The following MMAB variants were observed in gnomAD, a reference collection of about 807,000 sequenced individuals.
The protein encoded by MMAB is corrinoid adenosyltransferase MMAB.
Under a neutral mutation model 30.6 loss-of-function variants are expected in MMAB, and 17 were observed. The ratio of observed to expected loss-of-function variants is 0.56; its 90% CI spans 0.38 to 0.83. The LOEUF is 0.83. Ranked by LOEUF, MMAB falls within the 40% of genes least tolerant of loss-of-function variation. The pLI, the probability that MMAB is intolerant of heterozygous loss-of-function variation, is 0.00. For missense variants in MMAB, 311 were observed against 331.6 expected (o/e 0.94, Z 0.48); for synonymous variants, 134 against 138.6 (o/e 0.97, Z 0.23).
rs1466039282 is a variant in MMAB, at chr12:109,561,822, C to T, written c.379G>A (p.Ala127Thr). The change falls in exon 5 of 9, where the codon GCC becomes ACC. Residue 127 changes from alanine (A) to threonine (T), a missense_variant. Ala to Thr is a moderately conservative substitution (Grantham distance 58). Transcript: ENST00000545712. The surrounding 1 kb of genome is among the most constrained non-coding windows in gnomAD (Gnocchi z 5.3). ...IQCTLQDVGS[A>T]LATPCSSARE... ...GCCGAGGAGCATGGTGTCGCCAGGG[C>T]CGAGCCGACGTCCTGCAATGTGCAC... 4.4e-6 allele frequency: 7 copies of T among 1,609,006 alleles called. No individual in the cohort carries two copies. The highest frequency in any genetic ancestry group is 5.9e-6 in the Non-Finnish European group (7 of 1,177,648).
In MMAB at chr12:109,573,293, C is replaced by T. The variant is rs115069962; in HGVS notation, c.134+54G>A. The T allele has an allele frequency of 2.4e-4, 382 of 1,610,108 alleles. No individual in the cohort carries two copies. The African/African-American group carries it at 4.1e-3, about 17-fold the overall frequency. Reference sequence around the variant, plus strand: ...CGGCGGTGTGACGTACCCATGGCGACGACACCACGATTCACGGCAGGTGTT... The same window carrying T: ...CGGCGGTGTGACGTACCCATGGCGATGACACCACGATTCACGGCAGGTGTT... On this transcript the variant is annotated intron_variant, in intron 1 of 8. Coordinates refer to ENST00000545712, the MANE Select transcript of MMAB (RefSeq NM_052845.4).
chr12:109,556,625 G>A lies in MMAB; in HGVS notation c.*403C>T, dbSNP rs1883979395. The A allele has an allele frequency of 8.9e-6, 4 of 449,844 alleles. No individual in the cohort carries two copies. The highest frequency in any genetic ancestry group is 4.7e-5 in the South Asian group (3 of 64,410). 27.9% of individuals were successfully genotyped at this position (449,844 alleles called of 1,614,324 possible). A position where few individuals can be genotyped will look rare whatever the true frequency, so the allele number is the denominator to read the frequency against. On this transcript the variant is annotated 3_prime_UTR_variant, in exon 9 of 9. Coordinates refer to ENST00000545712, the MANE Select transcript of MMAB (RefSeq NM_052845.4). ...CATTCCAAATCTGTGAACAACCTGA[G>A]CTGGCAGTGGGAGGGCTCTCTCTCA... is the stretch of plus-strand genomic sequence containing the variant.
Position 109,556,648 on chromosome 12 carries a change from T to TCTCACACA in MMAB, c.*379_*380insTGTGTGAG, listed in dbSNP as rs1555273916. The TCTCACACA allele has an allele frequency of 6.1e-6, 2 of 328,308 alleles. No homozygotes were observed. The highest frequency in any genetic ancestry group is 8.2e-5 in the East Asian group (1 of 12,174). 20.3% of individuals were successfully genotyped at this position (328,308 alleles called of 1,614,324 possible). On this transcript the variant is annotated 3_prime_UTR_variant, in exon 9 of 9. Transcript: ENST00000545712. Reference sequence around the variant, plus strand: ...GAGCTGGCAGTGGGAGGGCTCTCTCTCACACACACACACACACACACACAC... The same window carrying TCTCACACA: ...GAGCTGGCAGTGGGAGGGCTCTCTCTCTCACACACACACACACACACACACACACACAC...
Position 109,554,325 on chromosome 12 carries a change from C to T in MMAB, c.*2703G>A. Reference sequence around the variant, plus strand: ...ACTGTGACTGTGGGCTTCTCTCTGACACAAGAGCCAACTGCCAGCTTGTCT... The same window carrying T: ...ACTGTGACTGTGGGCTTCTCTCTGATACAAGAGCCAACTGCCAGCTTGTCT... On this transcript the variant is annotated 3_prime_UTR_variant, in exon 9 of 9. Transcript: ENST00000545712. The T allele has an allele frequency of 2.2e-6, 1 of 454,070 alleles. No homozygotes were observed. The highest frequency in any genetic ancestry group is 4.4e-6 in the Non-Finnish European group (1 of 226,796). 28.1% of individuals were successfully genotyped at this position (454,070 alleles called of 1,614,324 possible). A position where few individuals can be genotyped will look rare whatever the true frequency, so the allele number is the denominator to read the frequency against.
rs765600361 is a variant in MMAB at position 109,553,903 on chromosome 12, G to C, written c.*3125C>G. 1 of 454,090 alleles carries C rather than the reference G, an allele frequency of 2.2e-6. No homozygotes were observed. The highest frequency in any genetic ancestry group is 1.6e-5 in the South Asian group (1 of 64,474). The allele number at this position is 454,090 out of a possible 1,614,324, so 28.1% of individuals were successfully genotyped here. A position where few individuals can be genotyped will look rare whatever the true frequency, so the allele number is the denominator to read the frequency against. On this transcript the variant is annotated 3_prime_UTR_variant, in exon 9 of 9. Coordinates refer to ENST00000545712, the MANE Select transcript of MMAB (RefSeq NM_052845.4). ...GCCACTGACGGGGGCTTCCGAACTG[G>C]GGACGTTTGTCATTGGGATGTGTTA...
rs532356504 is a variant in MMAB, at chr12:109,563,868, G to A, written c.348+1251C>T. Among the ~76,000 whole-genome samples, 11 of 152,330 alleles carry A rather than the reference G, an allele frequency of 7.2e-5. No homozygotes were observed. In the East Asian group the frequency reaches 7.7e-4, roughly 11 times the overall value. Reference sequence around the variant, plus strand: ...GGGAAGGGCTGACCCTGCGGGGAGCGGTTTCTGGGGACCTGGGTCCATGTG... The same window carrying A: ...GGGAAGGGCTGACCCTGCGGGGAGCAGTTTCTGGGGACCTGGGTCCATGTG... On this transcript the variant is annotated intron_variant, in intron 4 of 8. Coordinates refer to ENST00000545712, the MANE Select transcript of MMAB (RefSeq NM_052845.4).
chr12:109,566,766 A>G (rs1884442601), intron 3 of MMAB, among the ~76,000 whole-genome samples: 2 of 152,244 alleles, frequency 1.3e-5, no homozygotes, highest in African/African-American at 4.8e-5. Flanking sequence ...ATATCTGACC[A>G]AGGAAGAATC....
rs562567264 is a variant in MMAB, at chr12:109,561,589, G to A, written c.422-72C>T. ...CCAGACCATGGCGGGAACCACCCCC[G>A]CCGCCCTTCCACCTGGGTGTCCCGC... is the stretch of plus-strand genomic sequence containing the variant. On this transcript the variant is annotated intron_variant, in intron 5 of 8. Transcript: ENST00000545712. This position sits in a 1 kb window ranked among gnomAD's most constrained non-coding sequence, Gnocchi z 5.3. 2.0e-4 allele frequency: 278 copies of A among 1,378,726 alleles called. 2 individuals are homozygous for A. The South Asian group carries it at 2.7e-3, about 13-fold the overall frequency. 85.4% of individuals were successfully genotyped at this position (1,378,726 alleles called of 1,614,324 possible).
intron 1 of MMAB, 57 bp downstream of exon 1, chr12:109,573,287 TGGC>T: frequency 3.7e-6 from 6 of 1,607,948 alleles, no homozygotes; most frequent in Non-Finnish European, 5.1e-6. Context: ...GACGTACCCA[TGGC>T]GACGACACCA....
At chr12:109,571,742 G>A (rs760265871) in intron 1 of MMAB, 32 bp from the exon 2 acceptor site, 194 of 1,598,344 alleles carry the variant, frequency 1.2e-4, no homozygotes, top group Non-Finnish European at 1.6e-4. Context: ...TATCTGGTGA[G>A]TGGGGATGGC....
At position 109,556,981 on chromosome 12, in the gene MMAB, C is replaced by G. The variant is rs757826138; in HGVS notation, c.*47G>C. 1.2e-5 allele frequency: 16 copies of G among 1,301,724 alleles called. No homozygotes were observed. The highest frequency in any genetic ancestry group is 1.0e-5 in the Non-Finnish European group (9 of 897,762). 80.6% of individuals were successfully genotyped at this position (1,301,724 alleles called of 1,614,324 possible). A position where few individuals can be genotyped will look rare whatever the true frequency, so the allele number is the denominator to read the frequency against. The stretch of plus-strand genomic sequence containing the variant: ...CCAGAAGGGCAAGCTCCTCTCTCCA[C>G]GGCCATCGCCATGGAGGGATCCTCC... On this transcript the variant is annotated 3_prime_UTR_variant, in exon 9 of 9. Coordinates refer to ENST00000545712, the MANE Select transcript of MMAB (RefSeq NM_052845.4).
chr12:109,572,352 C>T (rs1884674182), intron 1 of MMAB, among the ~76,000 whole-genome samples: 1 of 152,020 alleles, frequency 6.6e-6, no homozygotes, highest in African/African-American at 2.4e-5. Context: ...TCAAACAATC[C>T]TCCCACCTCA....
chr12:109,560,893 G>T, intron 7 of MMAB, 147 bp downstream of exon 7: 1 of 801,936 alleles, frequency 1.2e-6, no homozygotes, highest in Non-Finnish European at 2.1e-6. Flanking sequence ...ATGGCTCAGA[G>T]ATGGCCCTGC....
intron 1 of MMAB, among the ~76,000 whole-genome samples, chr12:109,572,126 C>T (rs1472758101): frequency 1.3e-5 from 2 of 152,188 alleles, no homozygotes; most frequent in African/African-American, 4.8e-5. Flanking sequence ...GAAACTATGG[C>T]TCAGATGAGA....
At chr12:109,567,553 C>T (rs1014111511) in intron 3 of MMAB, among the ~76,000 whole-genome samples, 2 of 152,068 alleles carry the variant, frequency 1.3e-5, no homozygotes, top group African/African-American at 4.8e-5. Flanking sequence ...GCTGCCCCTC[C>T]TACCCCGCTG....
At position 109,556,420 on chromosome 12, in the gene MMAB, G is replaced by A. The variant is rs1281429029; in HGVS notation, c.*608C>T. 1 of 453,958 alleles carries A rather than the reference G, an allele frequency of 2.2e-6. No homozygotes were observed. Among genetic ancestry groups the A allele is most frequent in the Non-Finnish European group, 4.4e-6 (1 of 226,796 alleles). 28.1% of individuals were successfully genotyped at this position (453,958 alleles called of 1,614,324 possible). ...ATCACACACACTTCAATCTAAGCCA[G>A]GAGTTTCTGAGCCTCGCCTGTCAAT... On this transcript the variant is annotated 3_prime_UTR_variant, in exon 9 of 9. Transcript: ENST00000545712.
intron 2 of MMAB, among the ~76,000 whole-genome samples, chr12:109,571,062 T>G (rs1245313262): frequency 1.3e-5 from 2 of 152,018 alleles, no homozygotes; most frequent in Non-Finnish European, 2.9e-5. Flanking sequence ...ACTTAATCTC[T>G]CTCCCAGAAC....
At position 109,554,275 on chromosome 12, in the gene MMAB, C is replaced by A. The variant is rs1252530893; in HGVS notation, c.*2753G>T. 2.2e-6 allele frequency: 1 copy of A among 454,090 alleles called. No homozygotes were observed. The highest frequency in any genetic ancestry group is 2.3e-5 in the Admixed American group (1 of 42,572). The allele number at this position is 454,090 out of a possible 1,614,324, so 28.1% of individuals were successfully genotyped here. A position where few individuals can be genotyped will look rare whatever the true frequency, so the allele number is the denominator to read the frequency against. On this transcript the variant is annotated 3_prime_UTR_variant, in exon 9 of 9. Transcript: ENST00000545712. ...GGCTCAGGGCACTGCACATAGCAAG[C>A]CCTTCCACAGTGCGGGCTGGTGTCA... is the stretch of plus-strand genomic sequence containing the variant.
At position 109,556,304 on chromosome 12, in the gene MMAB, A is replaced by G. The variant is rs922171219; in HGVS notation, c.*724T>C. The G allele has an allele frequency of 4.4e-6, 2 of 453,830 alleles. No individual in the cohort carries two copies. Among genetic ancestry groups the G allele is most frequent in the Admixed American group, 4.7e-5 (2 of 42,580 alleles). The allele number at this position is 453,830 out of a possible 1,614,324, so 28.1% of individuals were successfully genotyped here. A position where few individuals can be genotyped will look rare whatever the true frequency, so the allele number is the denominator to read the frequency against. The stretch of plus-strand genomic sequence containing the variant: ...CACCGCAGACCCTTGACTCAGTCCA[A>G]CCAGACAGGGAATGTTCACCTTCAA... On this transcript the variant is annotated 3_prime_UTR_variant, in exon 9 of 9. Transcript: ENST00000545712.
Sources: gnomAD v4.1 joint callset for allele counts (sites outside exome capture counted in the v4.1 genomes callset) on GRCh38, gnomAD v4.1.1 for gene constraint, Gnocchi (gnomAD v3.1) non-coding constraint, MANE v1.5 for transcripts, NCBI Gene and HGNC (gene_info 2026-07-23, HGNC 2026-07-21) for gene names.